The following MBNL2 variants were observed in gnomAD, a reference collection of about 807,000 sequenced individuals.
MBNL2 encodes the protein muscleblind like splicing regulator 2.
MBNL2 carries 17 observed loss-of-function variants against 41.9 expected under a neutral mutation model. The observed-to-expected ratio is 0.41, with a 90% confidence interval of 0.28 to 0.61. The LOEUF is 0.61. MBNL2 is among the 20% of genes least tolerant of loss of function. The pLI is 0.35. For synonymous variants in MBNL2, 195 were observed against 182.9 expected (o/e 1.07, Z -0.53); for missense variants, 336 against 505.6 (o/e 0.66, Z 3.22).
chr13:97,166,841 A>AGAT, the MBNL2 span, among the ~76,000 whole-genome samples: 4 of 114,260 alleles, frequency 3.5e-5, no homozygotes, highest in Non-Finnish European at 7.4e-5. Flanking sequence ...GATAGATAGA[A>AGAT]AGATAGATAG....
the MBNL2 span, among the ~76,000 whole-genome samples, chr13:97,181,752 C>A: frequency 1.3e-5 from 2 of 152,184 alleles, no homozygotes; most frequent in African/African-American, 4.8e-5. Context: ...CTCTCTCTGG[C>A]TACTCACATC....
chr13:97,387,230 C>A (rs1223840682), intron 8 of MBNL2, among the ~76,000 whole-genome samples: 2 of 152,062 alleles, frequency 1.3e-5, no homozygotes, highest in African/African-American at 2.4e-5. Flanking sequence ...TCTTTGATTT[C>A]TTTCCTACCG....
At chr13:97,210,100 T>C in the MBNL2 span, among the ~76,000 whole-genome samples, 14 of 152,310 alleles carry the variant, frequency 9.2e-5, no homozygotes, top group African/African-American at 3.1e-4. Context: ...CTGGCCGACA[T>C]TGACTTTTAA....
chr13:97,357,703 C>A, intron 7 of MBNL2, 68 bp downstream of exon 7: 1 of 1,487,030 alleles, frequency 6.7e-7, no homozygotes. Flanking sequence ...TTTCTCTAAG[C>A]TGTTTGGTGG....
chr13:97,142,437 T>C, the MBNL2 span, among the ~76,000 whole-genome samples: 5 of 152,236 alleles, frequency 3.3e-5, no homozygotes, highest in Non-Finnish European at 7.3e-5. Context: ...CACTAGGTTA[T>C]GTATTTGAAA....
chr13:97,246,847 C>T (rs1042635391), intron 1 of MBNL2, among the ~76,000 whole-genome samples: 4 of 152,172 alleles, frequency 2.6e-5, no homozygotes, highest in African/African-American at 9.7e-5. Flanking sequence ...TCAGCTTTAT[C>T]GCCAAGCCAG....
the MBNL2 span, among the ~76,000 whole-genome samples, chr13:97,170,043 AATT>A: frequency 2.0e-5 from 3 of 152,196 alleles, no homozygotes; most frequent in African/African-American, 7.2e-5. Context: ...GCATGACTGA[AATT>A]ATTATCATCT....
chr13:97,151,223 T>C, the MBNL2 span, among the ~76,000 whole-genome samples: 1 of 152,130 alleles, frequency 6.6e-6, no homozygotes, highest in African/African-American at 2.4e-5. Context: ...GGAATGGCGG[T>C]GGCAGATGCT....
At chr13:97,212,134 A>G in the MBNL2 span, among the ~76,000 whole-genome samples, 4 of 152,214 alleles carry the variant, frequency 2.6e-5, no homozygotes, top group Non-Finnish European at 5.9e-5. Flanking sequence ...CAAAGAGAAC[A>G]GTATCAGTGG....
rs1187761960 is a variant in MBNL2 at position 97,252,040 on chromosome 13, C to T, written c.-604-23592C>T. 1.0e-4 allele frequency among the ~76,000 whole-genome samples: 15 copies of T among 150,470 alleles called. No individual in the cohort carries two copies. The East Asian group carries it at 2.0e-3, about 20-fold the overall frequency. On this transcript the variant is annotated intron_variant, in intron 1 of 8. Transcript: ENST00000679496. ...TAATTTTTTGTATTTTTAGTAGAGA[C>T]GGGGTTTCACCTTGTTAGCCAGGAT...
At position 97,348,590 on chromosome 13, in the gene MBNL2, T is replaced by C. The variant is rs1248081826; in HGVS notation, c.804+1523T>C. The stretch of plus-strand genomic sequence containing the variant: ...GTAGAATAAATAAATCAGTCAGGTT[T>C]CCTTGCCCTCAAGGAGTTTGGAGTT... On this transcript the variant is annotated intron_variant, in intron 5 of 8. Coordinates refer to ENST00000679496, the MANE Select transcript of MBNL2 (RefSeq NM_001382683.1). Among the ~76,000 whole-genome samples, 3 of 152,204 alleles carry C rather than the reference T, an allele frequency of 2.0e-5. No homozygotes were observed. In the East Asian group the frequency reaches 5.8e-4, roughly 29 times the overall value.
At chr13:97,190,772 C>G in the MBNL2 span, among the ~76,000 whole-genome samples, 1 of 152,302 alleles carries the variant, frequency 6.6e-6, no homozygotes, top group South Asian at 2.1e-4. Flanking sequence ...TTATCCTCTC[C>G]TCTGAATTTT....
At chr13:97,155,198 T>C in the MBNL2 span, among the ~76,000 whole-genome samples, 1 of 152,062 alleles carries the variant, frequency 6.6e-6, no homozygotes, top group East Asian at 1.9e-4. Context: ...TATTTTCCAT[T>C]GAGTTGGAAA....
intron 1 of MBNL2, among the ~76,000 whole-genome samples, chr13:97,236,545 A>T (rs1296565889): frequency 1.0e-4 from 15 of 148,598 alleles, no homozygotes; most frequent in African/African-American, 3.5e-4. Flanking sequence ...ATAAAGTTTT[A>T]AAAATGTAGC....
At chr13:97,232,893 G>A (rs1419862875) in intron 1 of MBNL2, among the ~76,000 whole-genome samples, 3 of 143,894 alleles carry the variant, frequency 2.1e-5, no homozygotes, top group Admixed American at 7.0e-5. Flanking sequence ...GTGTGTGTGC[G>A]CACGTACACT....
At chr13:97,274,236 C>A (rs1425590180) in intron 1 of MBNL2, among the ~76,000 whole-genome samples, 1 of 152,120 alleles carries the variant, frequency 6.6e-6, no homozygotes, top group Non-Finnish European at 1.5e-5. Context: ...CGCCTGTAAT[C>A]CCAGCACTTT....
At chr13:97,209,870 A>G in the MBNL2 span, among the ~76,000 whole-genome samples, 4 of 152,204 alleles carry the variant, frequency 2.6e-5, no homozygotes, top group African/African-American at 9.7e-5. Flanking sequence ...ATCTCAGCTC[A>G]TTGCAACCTC....
intron 1 of MBNL2, among the ~76,000 whole-genome samples, chr13:97,227,156 G>A (rs1473136020): frequency 6.6e-6 from 1 of 152,052 alleles, no homozygotes; most frequent in Non-Finnish European, 1.5e-5. Flanking sequence ...TGTATTCTCT[G>A]GGCACAGACA....
intron 2 of MBNL2, among the ~76,000 whole-genome samples, chr13:97,290,034 T>A (rs982381828): frequency 1.3e-5 from 2 of 152,212 alleles, no homozygotes; most frequent in African/African-American, 4.8e-5. Flanking sequence ...TCAAATATTT[T>A]CTCTGCATTA....
Sources: gnomAD v4.1 joint callset for allele counts (sites outside exome capture counted in the v4.1 genomes callset) on GRCh38, gnomAD v4.1.1 for gene constraint, MANE v1.5 for transcripts, NCBI Gene and HGNC (gene_info 2026-07-23, HGNC 2026-07-21) for gene names.